The following BANK1 variants were observed in gnomAD, a reference collection of about 807,000 sequenced individuals.
BANK1 encodes B-cell scaffold protein with ankyrin repeats.
BANK1 carries 95 observed loss-of-function variants against 94.5 expected under a neutral mutation model. The ratio of observed to expected loss-of-function variants is 1.00; its 90% confidence interval spans 0.85 to 1.19. BANK1 has a LOEUF of 1.19. BANK1 is among the 50% of genes most tolerant of loss of function. The pLI, the probability that BANK1 is intolerant of heterozygous loss-of-function variation, is 0.00. For missense variants in BANK1, 987 were observed against 932.2 expected (o/e 1.06, Z -0.77); for synonymous variants, 334 against 308.4 (o/e 1.08, Z -0.87).
Position 102,025,220 on chromosome 4 carries a change from T to G in BANK1, c.1305T>G (p.Phe435Leu). The G allele has an allele frequency of 6.2e-7, 1 of 1,614,098 alleles. No individual in the cohort carries two copies. Among genetic ancestry groups the G allele is most frequent in the South Asian group, 1.1e-5 (1 of 91,084 alleles). ...AAACAGCCACACAGAACCCAGCATT[T>G]CATCATGAAAGCAGGAAGACATACG... Reference protein sequence around the residue: ...TYIPSTQNPAFHHESRKTYGQ... With the variant: ...TYIPSTQNPALHHESRKTYGQ... Residue 435 changes from phenylalanine (F) to leucine (L), a missense_variant, in exon 9 of 17, where the codon TTT (phenylalanine) becomes TTG (leucine). Transcript: ENST00000322953.
chr4:101,797,808 CA>C (rs1345895943), intron 1 of BANK1, among the ~76,000 whole-genome samples: 1 of 152,068 alleles, frequency 6.6e-6, no homozygotes, highest in Non-Finnish European at 1.5e-5. Context: ...GTCAAGTAAG[CA>C]GTTCGATTTT....
chr4:101,846,313 A>C (rs1727244297), intron 2 of BANK1, among the ~76,000 whole-genome samples: 1 of 152,190 alleles, frequency 6.6e-6, no homozygotes, highest in Non-Finnish European at 1.5e-5. Flanking sequence ...TTCTCAGCAA[A>C]CTATTGCAAG....
At chr4:101,802,484 G>A (rs1725387261) in intron 1 of BANK1, among the ~76,000 whole-genome samples, 1 of 152,148 alleles carries the variant, frequency 6.6e-6, no homozygotes, top group South Asian at 2.1e-4. Context: ...TTATAATTAT[G>A]GAAAGAAAAC....
chr4:101,981,348 A>G (rs1279372858), intron 7 of BANK1, among the ~76,000 whole-genome samples: 1 of 152,096 alleles, frequency 6.6e-6, no homozygotes, highest in Non-Finnish European at 1.5e-5. Context: ...TTTTCTCTTT[A>G]GACTAATTAA....
chr4:102,014,309 C>G (rs575986661), intron 7 of BANK1, among the ~76,000 whole-genome samples: 2 of 152,244 alleles, frequency 1.3e-5, no homozygotes, highest in South Asian at 4.1e-4. Flanking sequence ...TTGCTCTTTG[C>G]CATTTGCATA....
At chr4:101,798,941 G>A (rs1284552898) in intron 1 of BANK1, among the ~76,000 whole-genome samples, 1 of 152,086 alleles carries the variant, frequency 6.6e-6, no homozygotes, top group Non-Finnish European at 1.5e-5. Context: ...AGTTTCTTTT[G>A]CTGTGCAGAA....
At chr4:101,812,347 G>C (rs902709390) in intron 1 of BANK1, among the ~76,000 whole-genome samples, 29 of 151,976 alleles carry the variant, frequency 1.9e-4, no homozygotes, top group Middle Eastern at 7.2e-3. Flanking sequence ...TCAAGTTCAA[G>C]TGGTGAAATG....
intron 2 of BANK1, among the ~76,000 whole-genome samples, chr4:101,853,262 G>A (rs773623288): frequency 1.1e-4 from 17 of 152,156 alleles, no homozygotes; most frequent in African/African-American, 1.7e-4. Context: ...CAGAAACAGC[G>A]TGGAGACAGC....
At chr4:101,822,684 C>T (rs1057261151) in intron 1 of BANK1, among the ~76,000 whole-genome samples, 3 of 150,900 alleles carry the variant, frequency 2.0e-5, no homozygotes, top group Admixed American at 6.6e-5. Context: ...GGTGCAATCT[C>T]CCTTCACTTC....
chr4:101,982,693 T>G lies in BANK1; in HGVS notation c.1207-38821T>G, dbSNP rs141805731. 4.7e-3 allele frequency among the ~76,000 whole-genome samples: 710 copies of G among 152,110 alleles called. 13 individuals are homozygous for G. In the East Asian group the frequency reaches 0.057, roughly 12 times the overall value. Reference sequence around the variant, plus strand: ...CATATATTTTACTATATCTGATTTGTTTCTGATTATGTCAAGAATACATCA... The same window carrying G: ...CATATATTTTACTATATCTGATTTGGTTCTGATTATGTCAAGAATACATCA... On this transcript the variant is annotated intron_variant, in intron 7 of 16. Coordinates refer to ENST00000322953, the MANE Select transcript of BANK1 (RefSeq NM_017935.5).
At chr4:101,849,689 T>C (rs1359375260) in intron 2 of BANK1, among the ~76,000 whole-genome samples, 2 of 152,188 alleles carry the variant, frequency 1.3e-5, no homozygotes, top group African/African-American at 4.8e-5. Context: ...TGATTATGTC[T>C]ATCTAATTAC....
chr4:102,005,948 G>C (rs1258352762), intron 7 of BANK1, among the ~76,000 whole-genome samples: 1 of 151,926 alleles, frequency 6.6e-6, no homozygotes, highest in East Asian at 1.9e-4. Flanking sequence ...TGCGTATAAA[G>C]AAAAAATTTA....
chr4:101,883,635 ATGACTG>A (rs1409303539), intron 5 of BANK1, among the ~76,000 whole-genome samples: 1 of 152,174 alleles, frequency 6.6e-6, no homozygotes, highest in Non-Finnish European at 1.5e-5. Context: ...CGTGCAGAGG[ATGACTG>A]TGTGCTGATG....
chr4:101,908,860 C>T (rs1159719494), intron 6 of BANK1, among the ~76,000 whole-genome samples: 1 of 152,142 alleles, frequency 6.6e-6, no homozygotes, highest in Admixed American at 6.5e-5. Context: ...CAATAAGATA[C>T]CATCTCACAC....
chr4:102,002,155 T>A (rs2850385), intron 7 of BANK1, among the ~76,000 whole-genome samples: 10,195 of 152,310 alleles, frequency 0.067, 583 homozygotes, highest in East Asian at 0.19. Context: ...CTCCTATATG[T>A]ACCATCTTAT....
At chr4:101,908,982 T>C (rs1722563012) in intron 6 of BANK1, among the ~76,000 whole-genome samples, 1 of 152,192 alleles carries the variant, frequency 6.6e-6, no homozygotes, top group East Asian at 1.9e-4. Flanking sequence ...GTTTGACCAT[T>C]GTGGAAGACA....
rs139567588 is a variant in BANK1 at position 101,904,793 on chromosome 4, A to G, written c.1009+9383A>G. 8.1e-3 allele frequency among the ~76,000 whole-genome samples: 1,240 copies of G among 152,318 alleles called. 15 individuals carry two copies. Among genetic ancestry groups the G allele is most frequent in the African/African-American group, 0.028 (1,178 of 41,578 alleles). On this transcript the variant is annotated intron_variant, in intron 6 of 16. Coordinates refer to ENST00000322953, the MANE Select transcript of BANK1 (RefSeq NM_017935.5). ...CAGGCCCTTCACAATGCAAAATATA[A>G]CTACTTTGATATACTTCAGGGGCTT...
chr4:102,031,843 T>C (rs1727326973), intron 10 of BANK1, among the ~76,000 whole-genome samples: 1 of 152,176 alleles, frequency 6.6e-6, no homozygotes, highest in Admixed American at 6.5e-5. Context: ...TATTAAGAGA[T>C]TCATATAAGA....
intron 7 of BANK1, among the ~76,000 whole-genome samples, chr4:101,934,668 G>A (rs140291744): frequency 6.6e-6 from 1 of 151,502 alleles, no homozygotes; most frequent in East Asian, 2.0e-4. Context: ...CAAACAAAAA[G>A]CCAAAACAAA....
Sources: allele counts gnomAD v4.1 joint callset (sites outside exome capture counted in the v4.1 genomes callset), GRCh38; gene constraint gnomAD v4.1.1; transcripts MANE v1.5; gene names NCBI Gene and HGNC (gene_info 2026-07-23, HGNC 2026-07-21).